RIOK1: variants seen among roughly 807,000 people sequenced by gnomAD.
RIOK1 encodes serine/threonine-protein kinase RIO1.
RIOK1 carries 66 observed loss-of-function variants against 73.5 expected under a neutral mutation model. The observed-to-expected ratio is 0.90, with a 90% confidence interval of 0.74 to 1.10. RIOK1 has a LOEUF of 1.10. Among genes scored for constraint, RIOK1 ranks in the 50% least tolerant of loss-of-function variants. The probability of loss-of-function intolerance (pLI) is 0.00; values close to 1 mark genes in which losing one functional copy is unlikely to be tolerated. For missense variants in RIOK1, 658 were observed against 699.8 expected (o/e 0.94, Z 0.67); for synonymous variants, 224 against 226.8 (o/e 0.99, Z 0.11).
At chr6:7,415,856 A>AT (rs1231279561) in intron 16 of RIOK1, among the ~76,000 whole-genome samples, 1 of 152,270 alleles carries the variant, frequency 6.6e-6, no homozygotes, top group Non-Finnish European at 1.5e-5. Context: ...GAGAGACCAC[A>AT]TTCAAATAAC....
At chr6:7,403,919 T>G (rs779621388) in intron 8 of RIOK1, 22 bp from the exon 9 acceptor site, 5 of 1,571,964 alleles carry the variant, frequency 3.2e-6, no homozygotes, top group Admixed American at 3.4e-5. Context: ...CAGTTGTCCT[T>G]TTATTTGTTA....
rs566876799 is a variant in RIOK1, at chr6:7,397,599, G to A, written c.437+827G>A. Among the ~76,000 whole-genome samples, 13 of 152,190 alleles carry A rather than the reference G, an allele frequency of 8.5e-5. No homozygotes were observed. In the South Asian group the frequency reaches 1.7e-3, roughly 19 times the overall value. On this transcript the variant is annotated intron_variant, in intron 4 of 16. Coordinates refer to ENST00000379834, the MANE Select transcript of RIOK1 (RefSeq NM_031480.3). The stretch of plus-strand genomic sequence containing the variant: ...GTATTATCACTATATTATAGAAAAC[G>A]ACACTAAGATCATACAACTAACTGT...
In RIOK1 at chr6:7,395,252, G is replaced by A. The variant is rs970818034; in HGVS notation, c.367+109G>A. 1.7e-5 allele frequency: 21 copies of A among 1,262,570 alleles called. No homozygotes were observed. In the Admixed American group the frequency reaches 2.5e-4, roughly 15 times the overall value. 78.2% of individuals were successfully genotyped at this position (1,262,570 alleles called of 1,614,324 possible). On this transcript the variant is annotated intron_variant, in intron 3 of 16. Coordinates refer to ENST00000379834, the MANE Select transcript of RIOK1 (RefSeq NM_031480.3). ...ATGAAGGCTGGCCGTGGTGGCTCAC[G>A]CCTGTAATCCCGGCACTTTGGGAGG...
Position 7,417,480 on chromosome 6 carries a change from C to T in RIOK1, c.*39C>T. The T allele has an allele frequency of 7.9e-7, 1 of 1,266,430 alleles. No individual in the cohort carries two copies. The allele number at this position is 1,266,430 out of a possible 1,614,324, so 78.4% of individuals were successfully genotyped here. A position where few individuals can be genotyped will look rare whatever the true frequency, so the allele number is the denominator to read the frequency against. On this transcript the variant is annotated 3_prime_UTR_variant, in exon 17 of 17. Transcript: ENST00000379834. ...TTATGTACAGTCATTTTCCTCAGTT[C>T]CTTTTCTCGCCTGAACTCTTAAGCT...
chr6:7,412,388 C>G (rs926292108), intron 14 of RIOK1, among the ~76,000 whole-genome samples: 7 of 151,040 alleles, frequency 4.6e-5, no homozygotes, highest in Non-Finnish European at 7.4e-5. Context: ...AGTACGGAGG[C>G]TCACACCTGT....
intron 2 of RIOK1, among the ~76,000 whole-genome samples, 153 bp downstream of exon 2, chr6:7,393,456 A>G (rs767615865): frequency 1.4e-3 from 215 of 152,136 alleles, no homozygotes; most frequent in Non-Finnish European, 2.1e-3. Flanking sequence ...TTCACTTTTC[A>G]TCCTTTCTGT....
At chr6:7,413,086 A>G (rs1761926351) in intron 15 of RIOK1, 144 bp downstream of exon 15, 1 of 460,714 alleles carries the variant, frequency 2.2e-6, no homozygotes, top group Non-Finnish European at 3.8e-6. Flanking sequence ...ATTGCTTTCA[A>G]AGTCTGTGGA....
intron 10 of RIOK1, 131 bp from the exon 11 acceptor site, chr6:7,404,787 A>T (rs1276285922): frequency 1.1e-6 from 1 of 901,592 alleles, no homozygotes. Context: ...CTGTTAGTCA[A>T]GATTGCCTCA....
intron 9 of RIOK1, 96 bp downstream of exon 9, chr6:7,404,123 CTT>C (rs1344779954): frequency 4.5e-6 from 4 of 881,686 alleles, no homozygotes; most frequent in Admixed American, 1.9e-5. Context: ...ATTTGAATAA[CTT>C]ATTAATCTTT....
intron 5 of RIOK1, 128 bp downstream of exon 5, chr6:7,398,868 T>A (rs1048336811): frequency 3.2e-5 from 23 of 711,798 alleles, no homozygotes; most frequent in Non-Finnish European, 5.0e-5. Flanking sequence ...ATAAAATTAT[T>A]CCTTTTTATA....
chr6:7,413,756 C>T (rs1234706917), intron 15 of RIOK1, among the ~76,000 whole-genome samples: 1 of 152,156 alleles, frequency 6.6e-6, no homozygotes, highest in African/African-American at 2.4e-5. Flanking sequence ...TGCTAGGAAG[C>T]GCTGTATTAG....
chr6:7,405,328 T>C lies in RIOK1; in HGVS notation c.1176T>C (p.His392=). 5 of 1,607,018 alleles carry C rather than the reference T, an allele frequency of 3.1e-6. No homozygotes were observed. The highest frequency in any genetic ancestry group is 3.4e-6 in the Non-Finnish European group (4 of 1,173,650). Residue 392 remains histidine, a synonymous_variant, in exon 12 of 17, where the codon CAT becomes CAC. Coordinates refer to ENST00000379834, the MANE Select transcript of RIOK1 (RefSeq NM_031480.3). Reference sequence around the variant, plus strand: ...TTGTCACAGATCCATCCATTACACATGAGAACATGGATGCTTATCTCTCAA... The same window carrying C: ...TTGTCACAGATCCATCCATTACACACGAGAACATGGATGCTTATCTCTCAA... ...FEFVTDPSIT[H]ENMDAYLSKA...
chr6:7,401,148 A>G (rs1000110048), intron 6 of RIOK1, 98 bp downstream of exon 6: 2 of 754,024 alleles, frequency 2.7e-6, no homozygotes, highest in African/African-American at 1.8e-5. Context: ...AAGAAGAAAG[A>G]AAAACAAAGC....
chr6:7,390,318 G>C (rs924792359), intron 1 of RIOK1, among the ~76,000 whole-genome samples: 5 of 152,196 alleles, frequency 3.3e-5, no homozygotes, highest in African/African-American at 4.8e-5. Flanking sequence ...GTCACTGGGA[G>C]GCAGAGTTGG....
chr6:7,414,878 G>A (rs1761961470), intron 16 of RIOK1, among the ~76,000 whole-genome samples: 1 of 152,200 alleles, frequency 6.6e-6, no homozygotes, highest in Admixed American at 6.5e-5. Flanking sequence ...CCTAAGTAGT[G>A]TGATGAAATT....
At chr6:7,416,973 G>A (rs1762020222) in intron 16 of RIOK1, among the ~76,000 whole-genome samples, 1 of 152,182 alleles carries the variant, frequency 6.6e-6, no homozygotes, top group Non-Finnish European at 1.5e-5. Flanking sequence ...GGTGGGTGCA[G>A]TGGCTCATGC....
At chr6:7,411,604 C>A in intron 14 of RIOK1, 153 bp downstream of exon 14, 2 of 699,908 alleles carry the variant, frequency 2.9e-6, no homozygotes, top group Non-Finnish European at 4.7e-6. Flanking sequence ...CTTGTGTGCA[C>A]ATTGAACGCA....
In RIOK1 at chr6:7,417,852, G is replaced by A. The variant is rs1431329087; in HGVS notation, c.*411G>A. 6.6e-6 allele frequency: 1 copy of A among 152,376 alleles called. No homozygotes were observed. Among genetic ancestry groups the A allele is most frequent in the East Asian group, 1.9e-4 (1 of 5,208 alleles). 9.4% of individuals were successfully genotyped at this position (152,376 alleles called of 1,614,324 possible). A position where few individuals can be genotyped will look rare whatever the true frequency, so the allele number is the denominator to read the frequency against. On this transcript the variant is annotated 3_prime_UTR_variant, in exon 17 of 17. Coordinates refer to ENST00000379834, the MANE Select transcript of RIOK1 (RefSeq NM_031480.3). ...TTGTACACACCAGAGACCCATCTGA[G>A]GTCATCTGATTATAAGGCCATGTTT...
At chr6:7,408,324 G>A (rs531431948) in intron 12 of RIOK1, among the ~76,000 whole-genome samples, 1 of 152,082 alleles carries the variant, frequency 6.6e-6, no homozygotes, top group East Asian at 1.9e-4. Context: ...GGCATAAGTC[G>A]CCTTGCCTGG....
Sources: allele counts gnomAD v4.1 joint callset (sites outside exome capture counted in the v4.1 genomes callset), GRCh38; gene constraint gnomAD v4.1.1; transcripts MANE v1.5; gene names NCBI Gene and HGNC (gene_info 2026-07-23, HGNC 2026-07-21).